FBXO32: variants seen among roughly 807,000 people sequenced by gnomAD.
FBXO32 encodes F-box only protein 32.
A neutral mutation model predicts 48.3 loss-of-function variants in FBXO32; 15 were observed. That is an observed-to-expected ratio of 0.31 (90% CI 0.21 to 0.48). FBXO32 has a LOEUF of 0.48. Ranked by LOEUF, FBXO32 falls within the 20% of genes least tolerant of loss-of-function variation. FBXO32 has a pLI of 0.99. For synonymous variants in FBXO32, 154 were observed against 165.9 expected, an observed-to-expected ratio of 0.93 and a Z score of 0.55; for missense variants, 309 against 432.7, an observed-to-expected ratio of 0.71 and a Z score of 2.54.
intron 6 of FBXO32, among the ~76,000 whole-genome samples, chr8:123,508,914 G>A (rs1237217387): frequency 6.6e-6 from 1 of 152,136 alleles, no homozygotes; most frequent in African/African-American, 2.4e-5. Flanking sequence ...CTGATAAGTG[G>A]TTAACTGCTT....
At chr8:123,526,455 G>A (rs906438557) in intron 4 of FBXO32, among the ~76,000 whole-genome samples, 5 of 152,100 alleles carry the variant, frequency 3.3e-5, no homozygotes, top group African/African-American at 7.2e-5. Flanking sequence ...TTGAGCTCCT[G>A]ACCTCAAGTG....
At chr8:123,533,870 A>C (rs1817258124) in intron 2 of FBXO32, among the ~76,000 whole-genome samples, 1 of 151,970 alleles carries the variant, frequency 6.6e-6, no homozygotes, top group Non-Finnish European at 1.5e-5. Flanking sequence ...AGCGGGGTAG[A>C]TCGCTTGAGC....
intron 4 of FBXO32, among the ~76,000 whole-genome samples, chr8:123,518,717 C>T (rs1278488666): frequency 6.6e-6 from 1 of 152,176 alleles, no homozygotes; most frequent in African/African-American, 2.4e-5. Flanking sequence ...TCCATTTAAC[C>T]ATTGAGGATA....
rs758892000 is a variant in FBXO32, at chr8:123,506,536, C to G, written c.690G>C (p.Leu230Phe). 4.9e-5 allele frequency: 79 copies of G among 1,608,830 alleles called. No individual in the cohort carries two copies. Among genetic ancestry groups the G allele is most frequent in the Non-Finnish European group, 6.3e-5 (74 of 1,176,158 alleles). ...FKGLTFTDLP[L>F]CLQLNIMQRL... The stretch of plus-strand genomic sequence containing the variant: ...TCTGCATGATGTTCAGTTGTAGGCA[C>G]AAAGGCAGGTCAGTGAAGGTGAGGC... The change falls in exon 7 of 9, where the codon TTG becomes TTC. Residue 230 changes from leucine to phenylalanine, a missense_variant. Transcript: ENST00000517956. This position sits in a 1 kb window ranked among gnomAD's most constrained non-coding sequence, Gnocchi z 4.0.
At chr8:123,539,019 T>C (rs1008966728) in intron 1 of FBXO32, among the ~76,000 whole-genome samples, 1 of 152,192 alleles carries the variant, frequency 6.6e-6, no homozygotes, top group Non-Finnish European at 1.5e-5. Flanking sequence ...TTTTATTTAT[T>C]TTTAGAGACA....
chr8:123,501,847 A>G lies in FBXO32; in HGVS notation c.*1526T>C, dbSNP rs915277430. On this transcript the variant is annotated 3_prime_UTR_variant, in exon 9 of 9. Coordinates refer to ENST00000517956, the MANE Select transcript of FBXO32 (RefSeq NM_058229.4). ...AGGGTGACAAGTTTATTTGGAAAAA[A>G]AAAAAGCATATACAACTGCAAATAT... The G allele has an allele frequency of 1.3e-5, 2 of 152,224 alleles. No individual in the cohort carries two copies. Among genetic ancestry groups the G allele is most frequent in the African/African-American group, 2.4e-5 (1 of 41,448 alleles). The allele number at this position is 152,224 out of a possible 1,614,324, so 9.4% of individuals were successfully genotyped here. A position where few individuals can be genotyped will look rare whatever the true frequency, so the allele number is the denominator to read the frequency against.
chr8:123,531,109 A>G (rs1027715403), intron 4 of FBXO32, among the ~76,000 whole-genome samples: 2 of 150,322 alleles, frequency 1.3e-5, no homozygotes, highest in Non-Finnish European at 3.0e-5. Flanking sequence ...CCTCCCAAGT[A>G]GCTGGGATTA....
chr8:123,537,607 T>C (rs1174659031), intron 1 of FBXO32, among the ~76,000 whole-genome samples: 1 of 152,162 alleles, frequency 6.6e-6, no homozygotes, highest in African/African-American at 2.4e-5. Flanking sequence ...ATAGCCTGAT[T>C]AAAGCCAGTA....
intron 2 of FBXO32, among the ~76,000 whole-genome samples, chr8:123,533,961 C>T (rs901434696): frequency 2.6e-5 from 4 of 151,870 alleles, no homozygotes; most frequent in Admixed American, 2.6e-4. Flanking sequence ...GGTATGGTGG[C>T]AGGTGCTTGT....
chr8:123,505,247 A>G (rs976413224), intron 7 of FBXO32, among the ~76,000 whole-genome samples: 1 of 152,208 alleles, frequency 6.6e-6, no homozygotes, highest in African/African-American at 2.4e-5. Flanking sequence ...TGATGAAGGG[A>G]AACAGGCTTG....
chr8:123,503,564 A>C, intron 8 of FBXO32, 102 bp from the exon 9 acceptor site: 1 of 792,694 alleles, frequency 1.3e-6, no homozygotes, highest in South Asian at 1.6e-5. Flanking sequence ...TTCTCTGTCA[A>C]TAATGCCCCA....
intron 4 of FBXO32, among the ~76,000 whole-genome samples, chr8:123,519,825 T>C (rs111633844): frequency 0.097 from 14,754 of 152,110 alleles, 963 homozygotes; most frequent in Admixed American, 0.21. Context: ...TCTTGCTCTG[T>C]TGCCCAGGCT....
rs543796339 is a variant in FBXO32 at position 123,504,075 on chromosome 8, C to A, written c.978+529G>T. 1.4e-4 allele frequency among the ~76,000 whole-genome samples: 19 copies of A among 135,378 alleles called. No homozygotes were observed. The East Asian group carries it at 2.3e-3, about 16-fold the overall frequency. 88.8% of individuals were successfully genotyped at this position (135,378 alleles called of 152,430 possible). On this transcript the variant is annotated intron_variant, in intron 8 of 8. Transcript: ENST00000517956. ...AACCTGGGTGACAGAGTGAGAGAGA[C>A]TCCGTCTCAAAAAAAAAAAAAAAAA...
chr8:123,540,831 C>T lies in FBXO32; in HGVS notation c.116+68G>A. 4 of 1,349,370 alleles carry T rather than the reference C, an allele frequency of 3.0e-6. No individual in the cohort carries two copies. Among genetic ancestry groups the T allele is most frequent in the Non-Finnish European group, 4.2e-6 (4 of 961,084 alleles). The allele number at this position is 1,349,370 out of a possible 1,614,324, so 83.6% of individuals were successfully genotyped here. On this transcript the variant is annotated intron_variant, in intron 1 of 8. Transcript: ENST00000517956. The surrounding 1 kb of genome is among the most constrained non-coding windows in gnomAD (Gnocchi z 6.4). ...GCCCTGCCTGCCCCTCATTCGCCGT[C>T]CCTGCGCCCCCCAGACCAGCCCGGG...
intron 4 of FBXO32, among the ~76,000 whole-genome samples, chr8:123,529,689 A>C (rs1817159415): frequency 6.6e-6 from 1 of 152,198 alleles, no homozygotes; most frequent in Non-Finnish European, 1.5e-5. Context: ...GTGATCATGG[A>C]CAAGTCATTT....
At chr8:123,509,933 C>T (rs1362601991) in intron 6 of FBXO32, among the ~76,000 whole-genome samples, 1 of 152,198 alleles carries the variant, frequency 6.6e-6, no homozygotes, top group Non-Finnish European at 1.5e-5. Context: ...TTATTCTTAA[C>T]TACTTGTTCT....
In FBXO32 at chr8:123,540,047, G is replaced by A. The variant is rs1273073206; in HGVS notation, c.116+852C>T. 6.6e-6 allele frequency among the ~76,000 whole-genome samples: 1 copy of A among 152,168 alleles called. No individual in the cohort carries two copies. Among genetic ancestry groups the A allele is most frequent in the Non-Finnish European group, 1.5e-5 (1 of 68,032 alleles). On this transcript the variant is annotated intron_variant, in intron 1 of 8. Coordinates refer to ENST00000517956, the MANE Select transcript of FBXO32 (RefSeq NM_058229.4). The surrounding 1 kb of genome is among the most constrained non-coding windows in gnomAD (Gnocchi z 6.4). ...AGCCAAGCTGAGCAGGGAGCGCAGC[G>A]GACCTCAGGTTTCCCGCCAGACCAC...
At chr8:123,541,202 GTGCTGCGCGGCAGTAGC>G (rs1817408251) in exon 1 of FBXO32, 1 of 360,294 alleles carries the variant, frequency 2.8e-6, no homozygotes, top group East Asian at 4.2e-5. Flanking sequence ...GGCTCCGGGA[GTGCTGCGCGGCAGTAGC>G]TGCCGCAGTA....
At chr8:123,515,969 G>A (rs1816831484) in intron 4 of FBXO32, among the ~76,000 whole-genome samples, 1 of 152,182 alleles carries the variant, frequency 6.6e-6, no homozygotes, top group Admixed American at 6.5e-5. Flanking sequence ...TCTCGCCTGG[G>A]CAACAGAGCA....
Sources: gnomAD v4.1 joint callset for allele counts (sites outside exome capture counted in the v4.1 genomes callset) on GRCh38, gnomAD v4.1.1 for gene constraint, Gnocchi (gnomAD v3.1) non-coding constraint, MANE v1.5 for transcripts, NCBI Gene and HGNC (gene_info 2026-07-23, HGNC 2026-07-21) for gene names.